The following RARB variants were observed in gnomAD, a reference collection of about 807,000 sequenced individuals.
The protein encoded by RARB is retinoic acid receptor beta.
RARB carries 17 observed loss-of-function variants against 51.9 expected under a neutral mutation model. That is an observed-to-expected ratio of 0.33 (90% confidence interval 0.22 to 0.49). The LOEUF is 0.49. Among genes scored for constraint, RARB ranks in the 20% least tolerant of loss-of-function variants. The pLI is 0.99. For synonymous variants in RARB, 215 were observed against 195.4 expected, an observed-to-expected ratio of 1.10 and a Z score of -0.84; for missense variants, 369 against 550.8, an observed-to-expected ratio of 0.67 and a Z score of 3.30.
chr3:24,981,586 C>T (rs539011400), intron 2 of RARB, among the ~76,000 whole-genome samples: 14 of 152,096 alleles, frequency 9.2e-5, no homozygotes, highest in South Asian at 2.1e-4. Flanking sequence ...TGGGACCCAC[C>T]GAGCCAGGCA....
At chr3:25,511,482 T>G (rs1697894562) in intron 3 of RARB, among the ~76,000 whole-genome samples, 1 of 152,180 alleles carries the variant, frequency 6.6e-6, no homozygotes, top group Non-Finnish European at 1.5e-5. Flanking sequence ...ATGACACCCC[T>G]TTCCCCTTTA....
intron 3 of RARB, among the ~76,000 whole-genome samples, chr3:25,515,356 A>G (rs1363785347): frequency 6.6e-6 from 1 of 151,698 alleles, no homozygotes; most frequent in Non-Finnish European, 1.5e-5. Context: ...AGTTTGGAAA[A>G]CTCTTTGGCA....
At chr3:25,251,194 A>T (rs1702709630) in intron 5 of RARB, among the ~76,000 whole-genome samples, 1 of 152,074 alleles carries the variant, frequency 6.6e-6, no homozygotes, top group African/African-American at 2.4e-5. Context: ...ATATTGTAGC[A>T]TGCATTACTA....
intron 3 of RARB, among the ~76,000 whole-genome samples, chr3:25,502,436 G>C (rs1211938242): frequency 1.3e-5 from 2 of 152,142 alleles, no homozygotes; most frequent in Non-Finnish European, 2.9e-5. Context: ...CCTCTGCTGG[G>C]AGCTATTGCT....
intron 5 of RARB, among the ~76,000 whole-genome samples, chr3:25,188,898 G>C (rs1179133722): frequency 6.6e-6 from 1 of 152,136 alleles, no homozygotes; most frequent in Non-Finnish European, 1.5e-5. Context: ...TGGGGAAAGA[G>C]AAAATAAGTA....
intron 2 of RARB, among the ~76,000 whole-genome samples, chr3:24,932,455 T>A (rs1695460679): frequency 6.7e-6 from 1 of 150,170 alleles, no homozygotes; most frequent in East Asian, 2.1e-4. Context: ...ACTTTTTAAA[T>A]CATTTTAGTG....
intron 2 of RARB, among the ~76,000 whole-genome samples, chr3:24,977,189 G>T (rs1055596977): frequency 1.3e-5 from 2 of 151,962 alleles, no homozygotes; most frequent in Non-Finnish European, 1.5e-5. Context: ...TGAAGTCAGG[G>T]AGCTTGATGC....
At chr3:25,297,803 G>T (rs1385297038) in intron 5 of RARB, among the ~76,000 whole-genome samples, 1 of 152,086 alleles carries the variant, frequency 6.6e-6, no homozygotes, top group Non-Finnish European at 1.5e-5. Context: ...TATCCAGGAG[G>T]TTGTTTTCAG....
intron 2 of RARB, among the ~76,000 whole-genome samples, chr3:25,462,716 A>G (rs930754593): frequency 2.0e-5 from 3 of 152,208 alleles, no homozygotes; most frequent in African/African-American, 7.2e-5. Flanking sequence ...AGGCTCCACC[A>G]TGTATCTCTG....
At chr3:25,369,619 A>G (rs1706237323) in intron 5 of RARB, among the ~76,000 whole-genome samples, 1 of 152,214 alleles carries the variant, frequency 6.6e-6, no homozygotes, top group South Asian at 2.1e-4. Flanking sequence ...AAGCAAGCAG[A>G]TTCAAAGATG....
intron 5 of RARB, among the ~76,000 whole-genome samples, chr3:25,282,377 C>T (rs901707685): frequency 5.3e-5 from 8 of 152,198 alleles, no homozygotes; most frequent in African/African-American, 1.9e-4. Context: ...TCAAATGTCA[C>T]CTTTTCGGTA....
intron 2 of RARB, among the ~76,000 whole-genome samples, chr3:24,904,442 C>T (rs997932033): frequency 3.9e-5 from 6 of 152,102 alleles, no homozygotes; most frequent in Non-Finnish European, 7.4e-5. Context: ...TAGAGAAATG[C>T]AAATCAAAAC....
intron 5 of RARB, among the ~76,000 whole-genome samples, chr3:25,345,171 C>A (rs979154828): frequency 6.6e-6 from 1 of 152,140 alleles, no homozygotes; most frequent in Non-Finnish European, 1.5e-5. Flanking sequence ...TCAACCCAAA[C>A]TCACAAAAGC....
intron 5 of RARB, among the ~76,000 whole-genome samples, chr3:25,210,195 G>T (rs1701657363): frequency 1.3e-5 from 2 of 152,112 alleles, no homozygotes; most frequent in South Asian, 4.1e-4. Context: ...AGCTAGGCAT[G>T]GCCTGTCCGT....
intron 4 of RARB, among the ~76,000 whole-genome samples, chr3:25,133,266 C>A (rs1372902360): frequency 6.6e-6 from 1 of 151,930 alleles, no homozygotes. Context: ...CTTTTCAATT[C>A]AGAATCACTG....
chr3:25,353,147 C>A (rs916083708), intron 5 of RARB, among the ~76,000 whole-genome samples: 3 of 151,296 alleles, frequency 2.0e-5, no homozygotes, highest in African/African-American at 7.4e-5. Context: ...AAAGTTTAGA[C>A]CCATGATAAC....
At chr3:25,323,530 C>A (rs1704629825) in intron 5 of RARB, among the ~76,000 whole-genome samples, 1 of 152,152 alleles carries the variant, frequency 6.6e-6, no homozygotes, top group Middle Eastern at 3.2e-3. Context: ...ATAACATATT[C>A]AAAATCTTCC....
At chr3:25,539,509 A>G (rs958189667) in intron 3 of RARB, among the ~76,000 whole-genome samples, 10 of 129,764 alleles carry the variant, frequency 7.7e-5, no homozygotes, top group Admixed American at 1.6e-4. Flanking sequence ...CAGACTCACC[A>G]CCTGGCCACA....
intron 1 of RARB, among the ~76,000 whole-genome samples, chr3:25,447,402 C>A (rs1480516626): frequency 1.3e-5 from 2 of 152,182 alleles, no homozygotes; most frequent in Non-Finnish European, 2.9e-5. Flanking sequence ...TGCCTTGTGG[C>A]ATTTTTCAGT....
Sources: gnomAD v4.1 joint callset for allele counts (sites outside exome capture counted in the v4.1 genomes callset) on GRCh38, gnomAD v4.1.1 for gene constraint, MANE v1.5 for transcripts, NCBI Gene and HGNC (gene_info 2026-07-23, HGNC 2026-07-21) for gene names.